MDGA2: variants seen among roughly 807,000 people sequenced by gnomAD.
The protein encoded by MDGA2 is MAM domain-containing glycosylphosphatidylinositol anchor protein 2.
A neutral mutation model predicts 117.8 loss-of-function variants in MDGA2; 40 were observed. That is an observed-to-expected ratio of 0.34 (90% CI 0.26 to 0.44). MDGA2 has a LOEUF of 0.44. Ranked by LOEUF, MDGA2 falls within the 20% of genes least tolerant of loss-of-function variation. The pLI, the probability that MDGA2 is intolerant of heterozygous loss-of-function variation, is 1.00. For synonymous variants in MDGA2, 452 were observed against 439.0 expected, an observed-to-expected ratio of 1.03 and a Z score of -0.37; for missense variants, 1,123 against 1,250.6, an observed-to-expected ratio of 0.90 and a Z score of 1.54.
chr14:47,585,710 G>A (rs901997366), intron 1 of MDGA2, among the ~76,000 whole-genome samples: 5 of 151,682 alleles, frequency 3.3e-5, no homozygotes, highest in Non-Finnish European at 2.9e-5. Flanking sequence ...TTTCAGACTC[G>A]ATCTACCCAT....
chr14:46,916,749 C>G (rs1418392868), intron 10 of MDGA2, among the ~76,000 whole-genome samples: 1 of 152,178 alleles, frequency 6.6e-6, no homozygotes. Flanking sequence ...AGTCATTACT[C>G]TTTATTGAGA....
At chr14:47,071,424 T>C (rs1890277260) in intron 6 of MDGA2, among the ~76,000 whole-genome samples, 1 of 152,184 alleles carries the variant, frequency 6.6e-6, no homozygotes, top group Non-Finnish European at 1.5e-5. Flanking sequence ...AAATTTAATA[T>C]GCTATAATAT....
At chr14:47,365,470 C>T (rs1307781964) in intron 1 of MDGA2, among the ~76,000 whole-genome samples, 1 of 152,258 alleles carries the variant, frequency 6.6e-6, no homozygotes, top group Non-Finnish European at 1.5e-5. Flanking sequence ...GCAGCGCAAC[C>T]CATTGCCATT....
intron 5 of MDGA2, among the ~76,000 whole-genome samples, chr14:47,106,462 C>T (rs963908432): frequency 5.9e-5 from 9 of 151,914 alleles, no homozygotes; most frequent in East Asian, 2.0e-4. Context: ...CTACATGTGC[C>T]GGAAATCTGG....
chr14:46,868,432 CAA>C (rs906615229), intron 14 of MDGA2, among the ~76,000 whole-genome samples: 31 of 151,752 alleles, frequency 2.0e-4, no homozygotes, highest in African/African-American at 7.5e-4. Context: ...TTCAGCAGGA[CAA>C]AAGAGACAGC....
intron 5 of MDGA2, among the ~76,000 whole-genome samples, chr14:47,104,963 C>T (rs972856946): frequency 3.9e-5 from 6 of 152,118 alleles, no homozygotes; most frequent in Admixed American, 3.3e-4. Flanking sequence ...CTGGTGGAGA[C>T]AAAAGAGACA....
chr14:47,050,585 A>G (rs1254640589), intron 7 of MDGA2, among the ~76,000 whole-genome samples: 1 of 151,924 alleles, frequency 6.6e-6, no homozygotes, highest in Non-Finnish European at 1.5e-5. Context: ...GTGTGCTGTA[A>G]ATTTTATTGT....
intron 8 of MDGA2, among the ~76,000 whole-genome samples, chr14:47,020,394 T>C (rs1888245160): frequency 6.6e-6 from 1 of 152,196 alleles, no homozygotes; most frequent in Non-Finnish European, 1.5e-5. Flanking sequence ...CATAGGATGG[T>C]ACCCATCTTA....
chr14:47,036,878 A>C (rs1381730703), intron 7 of MDGA2, among the ~76,000 whole-genome samples: 2 of 152,202 alleles, frequency 1.3e-5, no homozygotes, highest in Non-Finnish European at 2.9e-5. Flanking sequence ...TAATTCCTTC[A>C]CTTATTGTTT....
chr14:46,841,894 G>T lies in MDGA2; in HGVS notation c.*37C>A. On this transcript the variant is annotated 3_prime_UTR_variant, in exon 17 of 17. Coordinates refer to ENST00000399232, the MANE Select transcript of MDGA2 (RefSeq NM_001113498.3). Reference sequence around the variant, plus strand: ...ACAAAGACTCTTTCTTCATGCCAGTGCCTGGTGAATCTTTTATAGCCTCTG... The same window carrying T: ...ACAAAGACTCTTTCTTCATGCCAGTTCCTGGTGAATCTTTTATAGCCTCTG... 1 of 1,364,312 alleles carries T rather than the reference G, an allele frequency of 7.3e-7. No homozygotes were observed. The highest frequency in any genetic ancestry group is 1.0e-6 in the Non-Finnish European group (1 of 967,688). 84.5% of individuals were successfully genotyped at this position (1,364,312 alleles called of 1,614,324 possible).
chr14:47,513,040 A>G (rs1182426621), intron 1 of MDGA2, among the ~76,000 whole-genome samples: 1 of 152,064 alleles, frequency 6.6e-6, no homozygotes, highest in Non-Finnish European at 1.5e-5. Flanking sequence ...GAACTGTTTC[A>G]CCATTTGCTA....
At chr14:47,201,563 G>T (rs1885508132) in intron 3 of MDGA2, among the ~76,000 whole-genome samples, 1 of 152,130 alleles carries the variant, frequency 6.6e-6, no homozygotes, top group Non-Finnish European at 1.5e-5. Flanking sequence ...CACAATACTT[G>T]TCTCAAATAT....
intron 3 of MDGA2, among the ~76,000 whole-genome samples, chr14:47,194,673 A>G (rs1011669226): frequency 6.6e-6 from 1 of 152,130 alleles, no homozygotes; most frequent in Non-Finnish European, 1.5e-5. Flanking sequence ...GAAGATTCAC[A>G]TAAAGGAATG....
intron 1 of MDGA2, among the ~76,000 whole-genome samples, chr14:47,366,752 T>A (rs1891239211): frequency 6.6e-6 from 1 of 151,644 alleles, no homozygotes; most frequent in South Asian, 2.1e-4. Context: ...CTTTTTCAAG[T>A]GAATTTATTA....
chr14:46,882,618 T>C (rs1882508995), intron 10 of MDGA2, among the ~76,000 whole-genome samples: 1 of 151,526 alleles, frequency 6.6e-6, no homozygotes, highest in African/African-American at 2.4e-5. Flanking sequence ...TATATAACTG[T>C]TCCCATATAT....
In MDGA2 at chr14:47,359,748, C is replaced by CAAAA. The variant is rs71448198; in HGVS notation, c.281-58202_281-58199dup. Reference sequence around the variant, plus strand: ...CCTGGACTGCAGAGCAAGACTGTCTCAAAAAAAAAAAAAAAAAAGAAAAGA... The same window carrying CAAAA: ...CCTGGACTGCAGAGCAAGACTGTCTCAAAAAAAAAAAAAAAAAAAAAAGAAAAGA... On this transcript the variant is annotated intron_variant, in intron 1 of 16. Coordinates refer to ENST00000399232, the MANE Select transcript of MDGA2 (RefSeq NM_001113498.3). Among the ~76,000 whole-genome samples, 28 of 110,732 alleles carry CAAAA rather than the reference C, an allele frequency of 2.5e-4. 1 individual carries two copies. Among genetic ancestry groups the CAAAA allele is most frequent in the Middle Eastern group, 5.3e-3 (1 of 190 alleles). 72.6% of individuals were successfully genotyped at this position (110,732 alleles called of 152,430 possible).
At position 47,286,824 on chromosome 14, in the gene MDGA2, T is replaced by TATATATATATACAC. The variant is rs1491236673; in HGVS notation, c.420+14586_420+14587insGTGTATATATATAT. On this transcript the variant is annotated intron_variant, in intron 2 of 16. Coordinates refer to ENST00000399232, the MANE Select transcript of MDGA2 (RefSeq NM_001113498.3). ...ATCATTATATATATATATATATATA[T>TATATATATATACAC]ACATATATATATGTATATATATATA... 1.9e-4 allele frequency among the ~76,000 whole-genome samples: 20 copies of TATATATATATACAC among 104,156 alleles called. No individual in the cohort carries two copies. The East Asian group carries it at 2.3e-3, about 12-fold the overall frequency. The allele number at this position is 104,156 out of a possible 152,430, so 68.3% of individuals were successfully genotyped here.
At chr14:47,321,553 T>C (rs960455231) in intron 1 of MDGA2, among the ~76,000 whole-genome samples, 1 of 152,184 alleles carries the variant, frequency 6.6e-6, no homozygotes, top group African/African-American at 2.4e-5. Context: ...TGCTATTCTG[T>C]GGTTTCTTCT....
intron 9 of MDGA2, among the ~76,000 whole-genome samples, chr14:46,938,700 A>G (rs1884882281): frequency 6.6e-6 from 1 of 152,108 alleles, no homozygotes; most frequent in Non-Finnish European, 1.5e-5. Context: ...AGAGAAAAGT[A>G]TGGAGGTTCC....
Sources: gnomAD v4.1 joint callset for allele counts (sites outside exome capture counted in the v4.1 genomes callset) on GRCh38, gnomAD v4.1.1 for gene constraint, MANE v1.5 for transcripts, NCBI Gene and HGNC (gene_info 2026-07-23, HGNC 2026-07-21) for gene names.